Variants in AK5 observed in about 807,000 individuals in gnomAD.
AK5 encodes adenylate kinase isoenzyme 5.
In AK5, 27 loss-of-function variants were observed where a neutral mutation model predicts 69.5. That is an observed-to-expected ratio of 0.39 (90% CI 0.29 to 0.54). The LOEUF (loss-of-function observed/expected upper bound fraction) is 0.54. Among genes scored for constraint, AK5 ranks in the 20% least tolerant of loss-of-function variants. The probability of loss-of-function intolerance (pLI) is 0.71; values close to 1 mark genes in which losing one functional copy is unlikely to be tolerated. For missense variants in AK5, 531 were observed against 700.4 expected (o/e 0.76, Z 2.73); for synonymous variants, 260 against 244.4 (o/e 1.06, Z -0.60).
intron 8 of AK5, among the ~76,000 whole-genome samples, chr1:77,432,772 T>C (rs1651723769): frequency 2.0e-5 from 3 of 152,204 alleles, no homozygotes; most frequent in Admixed American, 6.5e-5. Flanking sequence ...AAACAATAGA[T>C]ACCTAAGAGG....
At chr1:77,305,792 T>C (rs1459318984) in intron 5 of AK5, among the ~76,000 whole-genome samples, 2 of 152,196 alleles carry the variant, frequency 1.3e-5, no homozygotes, top group African/African-American at 4.8e-5. Flanking sequence ...TCCAGTTGTG[T>C]TCTTTTTGCT....
chr1:77,517,856 T>C (rs1557649582), intron 10 of AK5, among the ~76,000 whole-genome samples: 1 of 152,208 alleles, frequency 6.6e-6, no homozygotes, highest in Admixed American at 6.5e-5. Flanking sequence ...ACTTGACCCA[T>C]TGACTTCAGA....
Position 77,521,827 on chromosome 1 carries a change from G to A in AK5, c.1312G>A (p.Gly438Ser). ...IMERGDLVPS[G>S]IVLELLKEAM... ...CCTGACCACTCTCGCTTTGCTCCAG[G>A]GCATCGTTTTGGAGCTCCTGAAGGA... is the stretch of plus-strand genomic sequence containing the variant. The change falls in exon 12 of 14, where the codon GGC (glycine) becomes AGC (serine). Residue 438 changes from glycine to serine, a missense_variant and splice_region_variant. By Grantham distance (56) the Gly-to-Ser change is moderately conservative. Coordinates refer to ENST00000354567, the MANE Select transcript of AK5 (RefSeq NM_174858.3). 6.2e-7 allele frequency: 1 copy of A among 1,612,622 alleles called. No homozygotes were observed.
intron 13 of AK5, among the ~76,000 whole-genome samples, chr1:77,551,224 AACACACACACAC>A: frequency 6.7e-6 from 1 of 149,984 alleles, no homozygotes; most frequent in East Asian, 2.0e-4. Flanking sequence ...GGCCTTTCCC[AACACACACACAC>A]ACACACACAC....
At chr1:77,554,228 A>G (rs540591321) in intron 13 of AK5, among the ~76,000 whole-genome samples, 1 of 151,968 alleles carries the variant, frequency 6.6e-6, no homozygotes, top group African/African-American at 2.4e-5. Context: ...TGAAAAATCT[A>G]TGTGCTTTCA....
At chr1:77,515,686 T>C (rs894786033) in intron 10 of AK5, among the ~76,000 whole-genome samples, 1 of 152,124 alleles carries the variant, frequency 6.6e-6, no homozygotes, top group African/African-American at 2.4e-5. Context: ...GTGAGAGGTC[T>C]GGCTCCTGCC....
At chr1:77,501,887 T>G (rs1656742303) in intron 10 of AK5, among the ~76,000 whole-genome samples, 1 of 152,130 alleles carries the variant, frequency 6.6e-6, no homozygotes, top group African/African-American at 2.4e-5. Context: ...TCAGAGACTG[T>G]GCCTATTTCA....
intron 13 of AK5, among the ~76,000 whole-genome samples, chr1:77,542,628 C>CT (rs1411040829): frequency 6.6e-5 from 10 of 152,132 alleles, no homozygotes; most frequent in Admixed American, 5.2e-4. Context: ...TTTAAAGCCT[C>CT]TTTTTTTCCT....
chr1:77,333,137 G>A (rs772845731), intron 5 of AK5, among the ~76,000 whole-genome samples: 4 of 152,062 alleles, frequency 2.6e-5, no homozygotes, highest in Non-Finnish European at 5.9e-5. Flanking sequence ...CTGTTGTTTA[G>A]TGTCTTCATG....
chr1:77,297,959 T>G lies in AK5; in HGVS notation c.699+12T>G. ...CTTTTGAGGACCAAGTAAGAATATC[T>G]CCTTATATTTTAAATGAACTACTTT... On this transcript the variant is annotated intron_variant, in intron 5 of 13. Transcript: ENST00000354567. 6.4e-7 allele frequency: 1 copy of G among 1,555,626 alleles called. No individual in the cohort carries two copies. Among genetic ancestry groups the G allele is most frequent in the Non-Finnish European group, 8.7e-7 (1 of 1,149,192 alleles).
At chr1:77,296,187 T>G (rs11162312) in intron 3 of AK5, among the ~76,000 whole-genome samples, 15,346 of 152,186 alleles carry the variant, frequency 0.1, 966 homozygotes, top group East Asian at 0.2. Context: ...GAGTGAGGTA[T>G]AGATGCCCAC....
At chr1:77,301,309 C>T (rs574418635) in intron 5 of AK5, among the ~76,000 whole-genome samples, 2 of 152,182 alleles carry the variant, frequency 1.3e-5, no homozygotes, top group African/African-American at 4.8e-5. Flanking sequence ...CTGGAATGGA[C>T]GGGGAAGAGA....
intron 1 of AK5, 138 bp downstream of exon 1, chr1:77,282,511 C>A: frequency 7.2e-7 from 1 of 1,386,380 alleles, no homozygotes; most frequent in Non-Finnish European, 9.4e-7. Context: ...CACTCGCCCG[C>A]TCCCCCGAGG....
In AK5 at chr1:77,499,869, CATTTTTTTT is replaced by C. The variant is rs1201478298; in HGVS notation, c.1147+13518_1147+13526del. On this transcript the variant is annotated intron_variant, in intron 10 of 13. Coordinates refer to ENST00000354567, the MANE Select transcript of AK5 (RefSeq NM_174858.3). ...GATGACAGAGACCATGCCCTTTTTC[CATTTTTTTT>C]TTTTTTTTTTTTTTTTTTTTTTTGG... is the stretch of plus-strand genomic sequence containing the variant. 1.2e-3 allele frequency among the ~76,000 whole-genome samples: 96 copies of C among 78,774 alleles called. 3 individuals carry two copies. Among genetic ancestry groups the C allele is most frequent in the African/African-American group, 3.7e-3 (81 of 22,072 alleles). The allele number at this position is 78,774 out of a possible 152,430, so 51.7% of individuals were successfully genotyped here.
At chr1:77,311,474 A>G (rs1008738373) in intron 5 of AK5, among the ~76,000 whole-genome samples, 1 of 152,180 alleles carries the variant, frequency 6.6e-6, no homozygotes, top group East Asian at 1.9e-4. Context: ...TTGCCTTTCA[A>G]GAATGAGAAT....
At chr1:77,332,631 ATTTT>A (rs1553133949) in intron 5 of AK5, among the ~76,000 whole-genome samples, 1 of 88,542 alleles carries the variant, frequency 1.1e-5, no homozygotes. Flanking sequence ...TTATTTATTT[ATTTT>A]TATTATTTAT....
At chr1:77,337,339 G>C (rs569443607) in intron 5 of AK5, among the ~76,000 whole-genome samples, 1 of 152,070 alleles carries the variant, frequency 6.6e-6, no homozygotes, top group Non-Finnish European at 1.5e-5. Flanking sequence ...AACACAAAAT[G>C]TATTAAAGTA....
intron 6 of AK5, among the ~76,000 whole-genome samples, chr1:77,363,909 T>G (rs1646907436): frequency 6.6e-6 from 1 of 152,210 alleles, no homozygotes; most frequent in Admixed American, 6.5e-5. Flanking sequence ...ACCATTTCAT[T>G]TATGTTATTC....
At chr1:77,551,890 G>A (rs1395443993) in intron 13 of AK5, among the ~76,000 whole-genome samples, 2 of 152,082 alleles carry the variant, frequency 1.3e-5, no homozygotes, top group Admixed American at 6.5e-5. Context: ...AGCCAGGCAC[G>A]GGGGGATACT....
Sources: allele counts gnomAD v4.1 joint callset (sites outside exome capture counted in the v4.1 genomes callset), GRCh38; gene constraint gnomAD v4.1.1; transcripts MANE v1.5; gene names NCBI Gene and HGNC (gene_info 2026-07-23, HGNC 2026-07-21).